Variants in RIT2 observed in about 807,000 individuals in gnomAD.
RIT2 encodes the protein Ras like without CAAX 2, also known as GTP-binding protein Rit2.
In RIT2, 24 loss-of-function variants were observed where a neutral mutation model predicts 23.7. The observed-to-expected ratio is 1.01, with a 90% CI of 0.73 to 1.43. The LOEUF (loss-of-function observed/expected upper bound fraction) is 1.43. RIT2 is among the 40% of genes most tolerant of loss of function. The pLI is 0.00. For missense variants in RIT2, 236 were observed against 266.9 expected (o/e 0.88, Z 0.81); for synonymous variants, 107 against 91.1 (o/e 1.17, Z -0.99).
At chr18:42,745,618 C>A (rs1912899400) in intron 4 of RIT2, among the ~76,000 whole-genome samples, 1 of 151,872 alleles carries the variant, frequency 6.6e-6, no homozygotes, top group South Asian at 2.1e-4. Context: ...TTTTTTAGCT[C>A]ATTTCTACCT....
At chr18:42,877,536 A>ATG (rs958374992) in intron 4 of RIT2, among the ~76,000 whole-genome samples, 6 of 149,942 alleles carry the variant, frequency 4.0e-5, no homozygotes, top group African/African-American at 1.5e-4. Context: ...ATATATATAT[A>ATG]TATATGCATA....
chr18:42,915,626 T>C (rs1019645580), intron 4 of RIT2, among the ~76,000 whole-genome samples: 4 of 152,008 alleles, frequency 2.6e-5, no homozygotes, highest in African/African-American at 9.7e-5. Context: ...ACAATGTCAG[T>C]TCAATCTGAG....
At chr18:42,927,719 C>T (rs1909218689) in intron 3 of RIT2, among the ~76,000 whole-genome samples, 1 of 151,716 alleles carries the variant, frequency 6.6e-6, no homozygotes, top group Non-Finnish European at 1.5e-5. Flanking sequence ...TGAAACAGAC[C>T]CTTTGTATAA....
intron 4 of RIT2, among the ~76,000 whole-genome samples, chr18:42,908,483 C>A: frequency 6.6e-6 from 1 of 152,064 alleles, no homozygotes; most frequent in East Asian, 1.9e-4. Context: ...AAAACTACAC[C>A]AATCACATTA....
intron 4 of RIT2, among the ~76,000 whole-genome samples, chr18:42,768,660 T>C (rs1400774991): frequency 6.6e-6 from 1 of 152,148 alleles, no homozygotes; most frequent in Non-Finnish European, 1.5e-5. Context: ...AATTCACAAA[T>C]TTATGTTTTA....
intron 1 of RIT2, among the ~76,000 whole-genome samples, chr18:43,089,314 T>A (rs1011322322): frequency 4.6e-5 from 7 of 151,690 alleles, no homozygotes. Flanking sequence ...AGTAACACAA[T>A]CACATTCACA....
At chr18:42,780,315 A>G (rs1489070130) in intron 4 of RIT2, among the ~76,000 whole-genome samples, 1 of 152,062 alleles carries the variant, frequency 6.6e-6, no homozygotes, top group Non-Finnish European at 1.5e-5. Context: ...GTTGGTTGAA[A>G]GAGTTAAGCT....
intron 2 of RIT2, among the ~76,000 whole-genome samples, chr18:42,986,530 C>T (rs532330228): frequency 6.6e-6 from 1 of 151,508 alleles, no homozygotes; most frequent in Non-Finnish European, 1.5e-5. Context: ...GAGATGGCGT[C>T]TTGCTTTGTC....
At chr18:42,903,126 A>G (rs1467938597) in intron 4 of RIT2, among the ~76,000 whole-genome samples, 1 of 152,050 alleles carries the variant, frequency 6.6e-6, no homozygotes, top group Non-Finnish European at 1.5e-5. Flanking sequence ...TATGACACCA[A>G]CTAAGAAAAT....
At chr18:42,908,550 G>C (rs1446425753) in intron 4 of RIT2, among the ~76,000 whole-genome samples, 1 of 152,086 alleles carries the variant, frequency 6.6e-6, no homozygotes, top group African/African-American at 2.4e-5. Flanking sequence ...AGAGAAAACT[G>C]CTGCATTTTC....
intron 4 of RIT2, among the ~76,000 whole-genome samples, chr18:42,763,523 G>A (rs1382665569): frequency 6.6e-6 from 1 of 151,590 alleles, no homozygotes. Context: ...TTCCAGGACT[G>A]GAAGTTGCTC....
chr18:43,085,632 T>C (rs1290891424), intron 1 of RIT2, among the ~76,000 whole-genome samples: 1 of 152,190 alleles, frequency 6.6e-6, no homozygotes, highest in Non-Finnish European at 1.5e-5. Context: ...TTTTGCATAA[T>C]GTCCTCCAGT....
intron 4 of RIT2, among the ~76,000 whole-genome samples, chr18:42,837,227 G>A (rs539164064): frequency 4.9e-4 from 60 of 123,000 alleles, no homozygotes; most frequent in Admixed American, 8.9e-4. Flanking sequence ...GAGTGCAGTG[G>A]CGTGATCTCA....
At chr18:42,924,289 G>A (rs554247494) in intron 3 of RIT2, among the ~76,000 whole-genome samples, 1 of 152,192 alleles carries the variant, frequency 6.6e-6, no homozygotes, top group Admixed American at 6.6e-5. Context: ...GTTAGACCTG[G>A]TTTTCCTTGT....
chr18:43,087,419 A>C (rs1364142060), intron 1 of RIT2, among the ~76,000 whole-genome samples: 4 of 152,152 alleles, frequency 2.6e-5, no homozygotes, highest in Non-Finnish European at 5.9e-5. Flanking sequence ...ACTAATCTTC[A>C]AGATAATAGA....
chr18:42,802,880 A>G (rs1468786908), intron 4 of RIT2, among the ~76,000 whole-genome samples: 1 of 152,208 alleles, frequency 6.6e-6, no homozygotes, highest in African/African-American at 2.4e-5. Flanking sequence ...CAAAATAAAA[A>G]TCTCTAACAT....
At chr18:42,994,933 G>T (rs539836622) in intron 2 of RIT2, among the ~76,000 whole-genome samples, 5 of 151,996 alleles carry the variant, frequency 3.3e-5, no homozygotes, top group Admixed American at 1.3e-4. Context: ...TTCCTGGCCC[G>T]GACTTCAATC....
chr18:42,871,762 T>C (rs1015317409), intron 4 of RIT2, among the ~76,000 whole-genome samples: 2 of 152,208 alleles, frequency 1.3e-5, no homozygotes, highest in East Asian at 3.8e-4. Context: ...CAAGTGAAAG[T>C]ACTCTGAGGG....
At chr18:43,054,765 C>T (rs2144314015) in intron 1 of RIT2, among the ~76,000 whole-genome samples, 1 of 152,090 alleles carries the variant, frequency 6.6e-6, no homozygotes, top group African/African-American at 2.4e-5. Context: ...GTAAATTGGC[C>T]ATTCTGCTCT....
Sources: allele counts gnomAD v4.1 joint callset (sites outside exome capture counted in the v4.1 genomes callset), GRCh38; gene constraint gnomAD v4.1.1; transcripts MANE v1.5; gene names NCBI Gene and HGNC (gene_info 2026-07-23, HGNC 2026-07-21).